CA5A: variants seen among roughly 807,000 people sequenced by gnomAD.
The protein encoded by CA5A is carbonic anhydrase 5A, mitochondrial.
In CA5A, 28 loss-of-function variants were observed where a neutral mutation model predicts 37.1. The ratio of observed to expected loss-of-function variants is 0.75; its 90% CI spans 0.56 to 1.03. The LOEUF (loss-of-function observed/expected upper bound fraction) is 1.03, where lower values mean the gene tolerates loss of function less well. Ranked by LOEUF, CA5A falls within the 50% of genes least tolerant of loss-of-function variation. CA5A has a pLI of 0.00. For synonymous variants in CA5A, 171 were observed against 158.4 expected, an observed-to-expected ratio of 1.08 and a Z score of -0.60; for missense variants, 444 against 399.9, an observed-to-expected ratio of 1.11 and a Z score of -0.94.
At chr16:87,908,773 G>T (rs982423272) in intron 2 of CA5A, among the ~76,000 whole-genome samples, 24 of 152,032 alleles carry the variant, frequency 1.6e-4, no homozygotes, top group African/African-American at 5.8e-4. Context: ...CATCCTTCCC[G>T]ACCCCGAGCT....
In CA5A at chr16:87,888,038, C is replaced by T; in HGVS notation, c.*91G>A. 3 of 1,489,458 alleles carry T rather than the reference C, an allele frequency of 2.0e-6. No homozygotes were observed. Among genetic ancestry groups the T allele is most frequent in the East Asian group, 2.3e-5 (1 of 43,372 alleles). 92.3% of individuals were successfully genotyped at this position (1,489,458 alleles called of 1,614,324 possible). A position where few individuals can be genotyped will look rare whatever the true frequency, so the allele number is the denominator to read the frequency against. On this transcript the variant is annotated 3_prime_UTR_variant, in exon 7 of 7. Transcript: ENST00000649794. ...TAACCTCATGCTCTCTTTTTAATTT[C>T]AGAAGTCATGTACAATCACATTGTG...
At chr16:87,932,396 C>T (rs1454844166) in intron 1 of CA5A, among the ~76,000 whole-genome samples, 2 of 152,094 alleles carry the variant, frequency 1.3e-5, no homozygotes, top group East Asian at 1.9e-4. Flanking sequence ...GTTTGCTGAG[C>T]TGCACCAACG....
At chr16:87,895,093 T>C (rs1171533361) in intron 5 of CA5A, among the ~76,000 whole-genome samples, 1 of 151,620 alleles carries the variant, frequency 6.6e-6, no homozygotes, top group East Asian at 1.9e-4. Flanking sequence ...CTACAAAAAA[T>C]ACAAAAACTA....
chr16:87,889,318 T>C (rs1217699963), intron 6 of CA5A, among the ~76,000 whole-genome samples: 2 of 152,098 alleles, frequency 1.3e-5, no homozygotes, highest in Non-Finnish European at 1.5e-5. Flanking sequence ...GCCCCCAAAG[T>C]GCTGGGATTA....
intron 5 of CA5A, among the ~76,000 whole-genome samples, chr16:87,896,462 C>A (rs1007906123): frequency 2.0e-5 from 3 of 152,210 alleles, no homozygotes; most frequent in African/African-American, 7.2e-5. Flanking sequence ...CAAATCAGGG[C>A]CCTTCCTTTA....
intron 1 of CA5A, among the ~76,000 whole-genome samples, chr16:87,935,807 C>A (rs993499398): frequency 1.3e-5 from 2 of 151,530 alleles, no homozygotes; most frequent in African/African-American, 4.9e-5. Flanking sequence ...ACCTGGAGGG[C>A]AGAGGTTGCA....
At chr16:87,924,040 A>C in intron 2 of CA5A, 1 of 985,446 alleles carries the variant, frequency 1.0e-6, no homozygotes, top group Non-Finnish European at 1.2e-6. Context: ...CAGACCAACA[A>C]GGGGAGAAAA....
intron 2 of CA5A, among the ~76,000 whole-genome samples, chr16:87,926,246 A>T (rs1388004412): frequency 6.6e-6 from 1 of 151,590 alleles, no homozygotes; most frequent in African/African-American, 2.4e-5. Flanking sequence ...AATAAAATAA[A>T]ATGTCGGCCA....
At chr16:87,915,248 C>A (rs7500566) in intron 2 of CA5A, among the ~76,000 whole-genome samples, 123,350 of 152,146 alleles carry the variant, frequency 0.81, 50,748 homozygotes, top group African/African-American at 0.93. Context: ...CACCAAACTC[C>A]CTCAGAGTCA....
At chr16:87,906,247 G>A (rs1057505605) in intron 2 of CA5A, among the ~76,000 whole-genome samples, 18 of 86,066 alleles carry the variant, frequency 2.1e-4, no homozygotes, top group African/African-American at 9.9e-4. Context: ...GTCACCTCCC[G>A]CTGTGGCAAA....
chr16:87,896,173 C>T (rs1226188240), intron 5 of CA5A, among the ~76,000 whole-genome samples: 1 of 152,236 alleles, frequency 6.6e-6, no homozygotes, highest in African/African-American at 2.4e-5. Context: ...TGCCCAAAGC[C>T]ACGTTGCCAG....
chr16:87,934,994 A>G (rs2056452503), intron 1 of CA5A, among the ~76,000 whole-genome samples: 1 of 152,214 alleles, frequency 6.6e-6, no homozygotes, highest in African/African-American at 2.4e-5. Flanking sequence ...GGGGTGGGCC[A>G]GGCTTTCTAC....
At chr16:87,901,592 C>CTT (rs369833235) in intron 5 of CA5A, among the ~76,000 whole-genome samples, 2 of 145,698 alleles carry the variant, frequency 1.4e-5, no homozygotes, top group East Asian at 2.0e-4. Flanking sequence ...CTTTTCTTTT[C>CTT]TTTTTTTTTT....
chr16:87,919,440 G>C (rs905346806), intron 2 of CA5A, among the ~76,000 whole-genome samples: 2 of 152,218 alleles, frequency 1.3e-5, no homozygotes, highest in African/African-American at 4.8e-5. Flanking sequence ...TGGAACTGCC[G>C]GGAAAGAGGC....
chr16:87,908,989 A>ATTTTT (rs60201296), intron 2 of CA5A, among the ~76,000 whole-genome samples: 2,679 of 139,244 alleles, frequency 0.019, 107 homozygotes, highest in African/African-American at 0.068. Context: ...ACACCCGGCT[A>ATTTTT]TTTTTTTTTT....
At chr16:87,928,953 T>C (rs2056357356) in intron 1 of CA5A, among the ~76,000 whole-genome samples, 1 of 150,174 alleles carries the variant, frequency 6.7e-6, no homozygotes, top group Admixed American at 6.6e-5. Flanking sequence ...ATTTTTTTCA[T>C]AGAGACGGGG....
chr16:87,903,593 T>G (rs1184981477), intron 3 of CA5A, among the ~76,000 whole-genome samples: 2 of 152,272 alleles, frequency 1.3e-5, no homozygotes, highest in East Asian at 3.8e-4. Context: ...ATGTGTATGA[T>G]GATGACAATA....
chr16:87,903,329 G>C (rs1411620292), intron 3 of CA5A, among the ~76,000 whole-genome samples: 1 of 152,094 alleles, frequency 6.6e-6, no homozygotes, highest in Admixed American at 6.5e-5. Context: ...TACTCAGAAG[G>C]CTGAGGCAGG....
At chr16:87,932,316 G>C (rs986127813) in intron 1 of CA5A, among the ~76,000 whole-genome samples, 6 of 152,186 alleles carry the variant, frequency 3.9e-5, no homozygotes, top group Admixed American at 1.3e-4. Flanking sequence ...TGCTCATCTA[G>C]ACCAGAGACG....
Sources: gnomAD v4.1 joint callset for allele counts (sites outside exome capture counted in the v4.1 genomes callset) on GRCh38, gnomAD v4.1.1 for gene constraint, MANE v1.5 for transcripts, NCBI Gene and HGNC (gene_info 2026-07-23, HGNC 2026-07-21) for gene names.